Variants in DENND2B observed in about 807,000 individuals in gnomAD.
DENND2B encodes DENN domain-containing protein 2B.
DENND2B carries 32 observed loss-of-function variants against 116.0 expected under a neutral mutation model. The ratio of observed to expected loss-of-function variants is 0.28; its 90% CI spans 0.21 to 0.37. The LOEUF is 0.37. DENND2B is among the 10% of genes least tolerant of loss of function. The pLI is 1.00. For missense variants in DENND2B, 1,276 were observed against 1,477.7 expected, an observed-to-expected ratio of 0.86 and a Z score of 2.24; for synonymous variants, 588 against 583.9, an observed-to-expected ratio of 1.01 and a Z score of -0.10.
chr11:8,850,715 T>C (rs963588886), intron 3 of DENND2B, among the ~76,000 whole-genome samples: 13 of 152,244 alleles, frequency 8.5e-5, no homozygotes, highest in African/African-American at 2.7e-4. Context: ...CAAAGAGCTA[T>C]CTGCACTTCC....
Position 8,756,994 on chromosome 11 carries a change from T to C in DENND2B, c.-25-6269A>G, listed in dbSNP as rs545314753. ...TCAAAAACACAGCTCTGACAAATTA[T>C]AGACAACTATCTGAAGAGTAACAAT... On this transcript the variant is annotated intron_variant, in intron 1 of 19. Coordinates refer to ENST00000313726, the MANE Select transcript of DENND2B (RefSeq NM_213618.2). The C allele has an allele frequency of 3.1e-4, 140 of 455,638 alleles. 1 individual carries two copies. Among genetic ancestry groups the C allele is most frequent in the African/African-American group, 1.5e-3 (74 of 50,138 alleles). The allele number at this position is 455,638 out of a possible 1,614,324, so 28.2% of individuals were successfully genotyped here. A position where few individuals can be genotyped will look rare whatever the true frequency, so the allele number is the denominator to read the frequency against.
intron 3 of DENND2B, 109 bp downstream of exon 3, chr11:8,729,841 C>T: frequency 2.1e-6 from 3 of 1,407,438 alleles, no homozygotes; most frequent in Non-Finnish European, 2.9e-6. Context: ...CACTTCAGAG[C>T]TTACGAAGCA....
rs1223920870 is a variant in DENND2B at position 8,796,933 on chromosome 11, C to A, written c.-26+13584G>T. Reference sequence around the variant, plus strand: ...CATTCTCAGTATTTAACCAGGTACCCCTTTCAGAGAAAGCTAAAAAAAACT... The same window carrying A: ...CATTCTCAGTATTTAACCAGGTACCACTTTCAGAGAAAGCTAAAAAAAACT... On this transcript the variant is annotated intron_variant, in intron 1 of 19. Transcript: ENST00000313726. 2.6e-5 allele frequency among the ~76,000 whole-genome samples: 4 copies of A among 152,092 alleles called. No individual in the cohort carries two copies. In the East Asian group the frequency reaches 7.7e-4, roughly 29 times the overall value.
chr11:8,815,799 T>C (rs2061549934), intron 4 of DENND2B, among the ~76,000 whole-genome samples: 1 of 152,234 alleles, frequency 6.6e-6, no homozygotes, highest in Admixed American at 6.5e-5. Flanking sequence ...TCCACTTTAG[T>C]ATTTCATTCA....
chr11:8,910,023 A>T (rs2064295745), intron 1 of DENND2B: 2 of 152,166 alleles, frequency 1.3e-5, no homozygotes, highest in South Asian at 4.2e-4. Context: ...TCCTTACTTA[A>T]ACATGGTTTA....
chr11:8,875,204 T>TC (rs1175349121), upstream of DENND2B, among the ~76,000 whole-genome samples: 1 of 151,612 alleles, frequency 6.6e-6, no homozygotes, highest in Admixed American at 6.6e-5. Context: ...GCACCTGTAG[T>TC]CCCAGCTACT....
rs1183406929 is a variant in DENND2B, at chr11:8,707,733, T to A, written c.2430+44A>T. 6.4e-7 allele frequency: 1 copy of A among 1,565,050 alleles called. No homozygotes were observed. Among genetic ancestry groups the A allele is most frequent in the African/African-American group, 1.3e-5 (1 of 74,234 alleles). ...TGGCTGCAGATACTCCTGTGGGAGC[T>A]GTCAGCTGGGGGACGGGGAGGGAAG... On this transcript the variant is annotated intron_variant, in intron 12 of 19. Transcript: ENST00000313726. This position sits in a 1 kb window ranked among gnomAD's most constrained non-coding sequence, Gnocchi z 4.8.
rs978713138 is a variant in DENND2B, at chr11:8,702,986, A to G, written c.2572-266T>C. The G allele has an allele frequency of 8.7e-6, 4 of 461,074 alleles. No individual in the cohort carries two copies. Among genetic ancestry groups the G allele is most frequent in the African/African-American group, 5.9e-5 (3 of 50,908 alleles). The allele number at this position is 461,074 out of a possible 1,614,324, so 28.6% of individuals were successfully genotyped here. Reference sequence around the variant, plus strand: ...GAAGGAAGGAGTTGAGGGGCCATCCATCGGGACCTCAGGAAGAGAGGAGAG... The same window carrying G: ...GAAGGAAGGAGTTGAGGGGCCATCCGTCGGGACCTCAGGAAGAGAGGAGAG... On this transcript the variant is annotated intron_variant, in intron 13 of 19. Transcript: ENST00000313726. This position sits in a 1 kb window ranked among gnomAD's most constrained non-coding sequence, Gnocchi z 4.6.
At chr11:8,800,462 T>A (rs1272701741) in intron 1 of DENND2B, among the ~76,000 whole-genome samples, 3 of 152,194 alleles carry the variant, frequency 2.0e-5, no homozygotes, top group African/African-American at 7.2e-5. Context: ...TCTGAGCCCC[T>A]GCCTGTGGAA....
At chr11:8,783,046 CTTTTTTTT>C (rs35035048) in intron 1 of DENND2B, among the ~76,000 whole-genome samples, 1 of 119,024 alleles carries the variant, frequency 8.4e-6, no homozygotes, top group Non-Finnish European at 1.7e-5. Flanking sequence ...CACCACTTAC[CTTTTTTTT>C]TTTTTTTTTT....
chr11:8,718,806 T>G (rs888551180), intron 4 of DENND2B: 1 of 1,003,856 alleles, frequency 1.0e-6, no homozygotes, highest in Non-Finnish European at 1.2e-6. Context: ...CTTGAAGATG[T>G]TGAGTGGCAC....
intron 1 of DENND2B, among the ~76,000 whole-genome samples, chr11:8,763,836 T>C (rs1239695954): frequency 2.0e-5 from 3 of 152,124 alleles, no homozygotes; most frequent in Non-Finnish European, 4.4e-5. Flanking sequence ...ATTCATGTTG[T>C]ATGATATACT....
intron 1 of DENND2B, among the ~76,000 whole-genome samples, chr11:8,906,545 A>G (rs2064241684): frequency 6.6e-6 from 1 of 151,488 alleles, no homozygotes; most frequent in Non-Finnish European, 1.5e-5. Flanking sequence ...ATAAATTTCA[A>G]CTGTTTATAT....
In DENND2B at chr11:8,702,842, T is replaced by C. The variant is rs1592397525; in HGVS notation, c.2572-122A>G. The C allele has an allele frequency of 2.4e-6, 3 of 1,239,028 alleles. No individual in the cohort carries two copies. The highest frequency in any genetic ancestry group is 3.3e-6 in the Non-Finnish European group (3 of 895,558). 76.8% of individuals were successfully genotyped at this position (1,239,028 alleles called of 1,614,324 possible). A position where few individuals can be genotyped will look rare whatever the true frequency, so the allele number is the denominator to read the frequency against. On this transcript the variant is annotated intron_variant, in intron 13 of 19. Coordinates refer to ENST00000313726, the MANE Select transcript of DENND2B (RefSeq NM_213618.2). This position sits in a 1 kb window ranked among gnomAD's most constrained non-coding sequence, Gnocchi z 4.6. ...CCTGCTCTTTTCCAGGTCTCTCGTC[T>C]ACCCTGCTATGCAGTAAACCCCTCT...
At chr11:8,825,263 C>A (rs1417265361) in intron 4 of DENND2B, among the ~76,000 whole-genome samples, 1 of 152,124 alleles carries the variant, frequency 6.6e-6, no homozygotes, top group Non-Finnish European at 1.5e-5. Flanking sequence ...ATTTGCATTT[C>A]TCTAATGATC....
chr11:8,735,556 A>G (rs2048878576), intron 2 of DENND2B, among the ~76,000 whole-genome samples: 2 of 152,238 alleles, frequency 1.3e-5, no homozygotes, highest in Non-Finnish European at 1.5e-5. Context: ...TCCCATCCCA[A>G]TGCAGAGCCA....
chr11:8,781,013 G>C (rs1033929043), intron 1 of DENND2B, among the ~76,000 whole-genome samples: 1 of 152,122 alleles, frequency 6.6e-6, no homozygotes, highest in Non-Finnish European at 1.5e-5. Context: ...ACAGACAGGA[G>C]ACCAGGGAAG....
chr11:8,710,951 A>C, intron 10 of DENND2B, 37 bp from the exon 11 acceptor site: 1 of 1,611,836 alleles, frequency 6.2e-7, no homozygotes, highest in African/African-American at 1.3e-5. Context: ...GGGAGGTGTG[A>C]GAGGACCTAG....
In DENND2B at chr11:8,805,056, T is replaced by A. The variant is rs572786795; in HGVS notation, c.-26+5461A>T. Among the ~76,000 whole-genome samples, 5 of 152,314 alleles carry A rather than the reference T, an allele frequency of 3.3e-5. No homozygotes were observed. The South Asian group carries it at 1.0e-3, about 32-fold the overall frequency. ...CACAACTCTATCAAGTCAAGTACTATTACATCCATTCTACAGATGCCTCAA... is the reference window on the plus strand; with the variant it reads ...CACAACTCTATCAAGTCAAGTACTAATACATCCATTCTACAGATGCCTCAA... On this transcript the variant is annotated intron_variant, in intron 1 of 19. Coordinates refer to ENST00000313726, the MANE Select transcript of DENND2B (RefSeq NM_213618.2).
Sources: gnomAD v4.1 joint callset for allele counts (sites outside exome capture counted in the v4.1 genomes callset) on GRCh38, gnomAD v4.1.1 for gene constraint, Gnocchi (gnomAD v3.1) non-coding constraint, MANE v1.5 for transcripts, NCBI Gene and HGNC (gene_info 2026-07-23, HGNC 2026-07-21) for gene names.